The following IL12RB1 variants were observed in gnomAD, a reference collection of about 807,000 sequenced individuals.
IL12RB1 encodes interleukin-12 receptor subunit beta-1.
In IL12RB1, 64 loss-of-function variants were observed where a neutral mutation model predicts 94.4. The observed-to-expected ratio is 0.68, with a 90% CI of 0.55 to 0.83. The LOEUF is 0.83. Among genes scored for constraint, IL12RB1 ranks in the 40% least tolerant of loss-of-function variants. IL12RB1 has a pLI of 0.00. For missense variants in IL12RB1, 814 were observed against 855.6 expected (o/e 0.95, Z 0.61); for synonymous variants, 362 against 355.5 (o/e 1.02, Z -0.21).
rs373036070 is a variant in IL12RB1, at chr19:18,073,651, T to C, written c.701-52A>G. The stretch of plus-strand genomic sequence containing the variant: ...CGAATTGGAAGGAGAGAAAGACTGA[T>C]GGATGTTTTCTTTGTAAATGATGGA... On this transcript the variant is annotated intron_variant, in intron 7 of 16. Transcript: ENST00000593993. 4.2e-4 allele frequency: 449 copies of C among 1,068,682 alleles called. 1 individual carries two copies. The highest frequency in any genetic ancestry group is 6.3e-4 in the Non-Finnish European group (433 of 688,296). The allele number at this position is 1,068,682 out of a possible 1,614,324, so 66.2% of individuals were successfully genotyped here.
intron 3 of IL12RB1, among the ~76,000 whole-genome samples, chr19:18,081,256 C>A (rs1320301322): frequency 6.6e-6 from 1 of 151,924 alleles, no homozygotes; most frequent in African/African-American, 2.4e-5. Context: ...CCACCACATG[C>A]GTCTAAGTTT....
At chr19:18,098,482 T>A (rs901328883) in intron 1 of IL12RB1, among the ~76,000 whole-genome samples, 4 of 151,826 alleles carry the variant, frequency 2.6e-5, no homozygotes, top group Non-Finnish European at 4.4e-5. Context: ...CAATGAGCCA[T>A]AGGGTCCTCC....
At chr19:18,077,088 C>G (rs1051919666) in intron 5 of IL12RB1, among the ~76,000 whole-genome samples, 7 of 152,050 alleles carry the variant, frequency 4.6e-5, no homozygotes, top group Non-Finnish European at 7.4e-5. Context: ...GGGAGCAAGG[C>G]GTGGTGGTTC....
intron 8 of IL12RB1, among the ~76,000 whole-genome samples, chr19:18,072,713 C>T (rs553158725): frequency 2.4e-4 from 36 of 151,974 alleles, no homozygotes; most frequent in Middle Eastern, 3.4e-3. Context: ...TTTGGGAGGC[C>T]GAGACGGGTA....
rs1210755363 is a variant in IL12RB1, at chr19:18,083,822, C to A, written c.65-331G>T. On this transcript the variant is annotated intron_variant, in intron 1 of 16. Coordinates refer to ENST00000593993, the MANE Select transcript of IL12RB1 (RefSeq NM_005535.3). ...ATCCACCCCACCATCCACCCATCTA[C>A]CCATCCATCCATCCATGTACTCATC... is the stretch of plus-strand genomic sequence containing the variant. Among the ~76,000 whole-genome samples, 3 of 145,232 alleles carry A rather than the reference C, an allele frequency of 2.1e-5. No individual in the cohort carries two copies. The East Asian group carries it at 6.6e-4, about 32-fold the overall frequency.
At chr19:18,081,846 AAATGGATG>A (rs1159781365) in intron 3 of IL12RB1, among the ~76,000 whole-genome samples, 4 of 102,454 alleles carry the variant, frequency 3.9e-5, no homozygotes, top group Non-Finnish European at 8.7e-5. Context: ...AAAAAAGAAA[AAATGGATG>A]GATGGATGGA....
intron 2 of IL12RB1, among the ~76,000 whole-genome samples, chr19:18,082,567 A>T (rs777288630): frequency 6.6e-6 from 1 of 152,088 alleles, no homozygotes; most frequent in Non-Finnish European, 1.5e-5. Flanking sequence ...TTCAAAACAC[A>T]TCATCACATT....
chr19:18,068,361 T>G (rs776953409), intron 11 of IL12RB1, 28 bp downstream of exon 11: 1 of 1,570,066 alleles, frequency 6.4e-7, no homozygotes, highest in Non-Finnish European at 8.7e-7. Context: ...GAAAAAATAA[T>G]GTAAACCTGC....
intron 2 of IL12RB1, among the ~76,000 whole-genome samples, chr19:18,082,827 A>G (rs2036009246): frequency 6.6e-6 from 1 of 152,170 alleles, no homozygotes; most frequent in Non-Finnish European, 1.5e-5. Flanking sequence ...CTGGAATCCC[A>G]GCACTTTGGG....
At chr19:18,069,020 G>T (rs1014487160) in intron 10 of IL12RB1, among the ~76,000 whole-genome samples, 1 of 147,462 alleles carries the variant, frequency 6.8e-6, no homozygotes, top group Non-Finnish European at 1.5e-5. Flanking sequence ...AAAGTGCTGG[G>T]ATTACAGGTG....
chr19:18,093,084 C>T (rs991533496), intron 1 of IL12RB1, among the ~76,000 whole-genome samples: 4 of 151,688 alleles, frequency 2.6e-5, no homozygotes, highest in South Asian at 2.1e-4. Flanking sequence ...GTGGGTGGAT[C>T]GCCTGAGGTC....
At chr19:18,095,880 C>T (rs1224991376) in intron 1 of IL12RB1, among the ~76,000 whole-genome samples, 2 of 151,958 alleles carry the variant, frequency 1.3e-5, no homozygotes, top group African/African-American at 4.8e-5. Context: ...GTGGGGCAGC[C>T]GAAGACAACT....
At chr19:18,077,154 T>C (rs1015911420) in intron 5 of IL12RB1, among the ~76,000 whole-genome samples, 2 of 152,076 alleles carry the variant, frequency 1.3e-5, no homozygotes, top group Admixed American at 1.3e-4. Context: ...CCTGAGGAGT[T>C]TGAGACCAGC....
chr19:18,094,731 G>T (rs912116864), intron 1 of IL12RB1, among the ~76,000 whole-genome samples: 1 of 152,134 alleles, frequency 6.6e-6, no homozygotes, highest in African/African-American at 2.4e-5. Flanking sequence ...TGGGCATGGC[G>T]GCATGTGCCT....
exon 1 of IL12RB1, chr19:18,098,877 C>T (rs558839531): frequency 8.9e-6 from 4 of 450,774 alleles, no homozygotes; most frequent in African/African-American, 8.0e-5. Flanking sequence ...GACGCCAGAG[C>T]AGCGGTGACC....
At position 18,082,896 on chromosome 19, in the gene IL12RB1, G is replaced by T. The variant is rs563242653; in HGVS notation, c.124+536C>A. ...TCAGGAGTTCAAGACCAGCCTGGGC[G>T]ACATGGTGAAACCTGGTCTCTACTA... On this transcript the variant is annotated intron_variant, in intron 2 of 16. Transcript: ENST00000593993. Among the ~76,000 whole-genome samples the T allele has an allele frequency of 1.5e-3, 221 of 152,110 alleles. 1 individual carries two copies. The highest frequency in any genetic ancestry group is 4.9e-3 in the African/African-American group (205 of 41,492).
chr19:18,086,958 AG>A, upstream of IL12RB1: 1 of 1,539,736 alleles, frequency 6.5e-7, no homozygotes, highest in African/African-American at 1.4e-5. Flanking sequence ...AAAGAAAAAA[AG>A]TAAAGTGTCA....
intron 1 of IL12RB1, among the ~76,000 whole-genome samples, chr19:18,096,010 G>A (rs1405636892): frequency 6.6e-6 from 1 of 152,118 alleles, no homozygotes. Flanking sequence ...CATCACTTGA[G>A]GCCAGGAGTT....
chr19:18,088,526 T>C (rs1422784226), upstream of IL12RB1, among the ~76,000 whole-genome samples: 1 of 149,576 alleles, frequency 6.7e-6, no homozygotes. Context: ...ATTGTGCCAC[T>C]GCACTCCAGT....
Sources: gnomAD v4.1 joint callset for allele counts (sites outside exome capture counted in the v4.1 genomes callset) on GRCh38, gnomAD v4.1.1 for gene constraint, MANE v1.5 for transcripts, NCBI Gene and HGNC (gene_info 2026-07-23, HGNC 2026-07-21) for gene names.